Variants in CHRM2 observed in about 807,000 individuals in gnomAD.
The protein encoded by CHRM2 is cholinergic receptor muscarinic 2.
CHRM2 carries 8 observed loss-of-function variants against 25.0 expected under a neutral mutation model. The observed-to-expected ratio is 0.32, with a 90% CI of 0.19 to 0.58. The LOEUF (loss-of-function observed/expected upper bound fraction) is 0.58. Among genes scored for constraint, CHRM2 ranks in the 20% least tolerant of loss-of-function variants. CHRM2 has a pLI of 0.88. For missense variants in CHRM2, 440 were observed against 567.1 expected, an observed-to-expected ratio of 0.78 and a Z score of 2.28; for synonymous variants, 202 against 205.7, an observed-to-expected ratio of 0.98 and a Z score of 0.15.
chr7:136,933,679 A>C (rs1186690377), intron 2 of CHRM2, among the ~76,000 whole-genome samples: 1 of 152,334 alleles, frequency 6.6e-6, no homozygotes, highest in African/African-American at 2.4e-5. Flanking sequence ...GATTTTTATT[A>C]ACTGATGAAT....
intron 2 of CHRM2, among the ~76,000 whole-genome samples, chr7:136,963,965 G>A (rs324579): frequency 0.85 from 129,276 of 152,064 alleles, 55,867 homozygotes; most frequent in Middle Eastern, 0.97. Flanking sequence ...TCTCATTTGC[G>A]TACTGCACTG....
At position 137,015,397 on chromosome 7, in the gene CHRM2, A is replaced by G; in HGVS notation, c.532A>G (p.Ile178Val). 1 of 1,613,440 alleles carries G rather than the reference A, an allele frequency of 6.2e-7. No homozygotes were observed. The highest frequency in any genetic ancestry group is 8.5e-7 in the Non-Finnish European group (1 of 1,179,638). ...VRTVEDGECY[I>V]QFFSNAAVTF... is the part of the protein sequence containing the mutation. ...AACTGTGGAGGATGGGGAGTGCTAC[A>G]TTCAGTTTTTTTCCAATGCTGCTGT... Residue 178 changes from isoleucine (I) to valine (V), a missense_variant, in exon 4 of 4, where the codon ATT becomes GTT. Physicochemically the swap from Ile to Val is conservative, Grantham distance 29 (BLOSUM62 3). This residue lies in a region of CHRM2 where 261 missense variants were observed against 261.8 expected (regional missense o/e 1.00). Transcript: ENST00000680005. The surrounding 1 kb of genome is among the most constrained non-coding windows in gnomAD (Gnocchi z 5.1).
chr7:136,997,941 T>C lies in CHRM2; in HGVS notation c.-47+5677T>C, dbSNP rs370737077. Among the ~76,000 whole-genome samples the C allele has an allele frequency of 1.6e-4, 24 of 152,278 alleles. No individual in the cohort carries two copies. In the East Asian group the frequency reaches 2.3e-3, roughly 15 times the overall value. The stretch of plus-strand genomic sequence containing the variant: ...GGATGAAATCACTGCCACAGAGGTG[T>C]CAGTTAATTGAGGAATCAGACAGCT... On this transcript the variant is annotated intron_variant, in intron 3 of 3. Transcript: ENST00000680005.
At chr7:136,976,569 T>A (rs1197219773) in intron 2 of CHRM2, among the ~76,000 whole-genome samples, 1 of 152,064 alleles carries the variant, frequency 6.6e-6, no homozygotes, top group African/African-American at 2.4e-5. Flanking sequence ...ACAGCCTAGG[T>A]TCTTAAGTTC....
intron 2 of CHRM2, among the ~76,000 whole-genome samples, chr7:136,915,284 T>C (rs748932765): frequency 6.6e-6 from 1 of 151,930 alleles, no homozygotes; most frequent in Non-Finnish European, 1.5e-5. Flanking sequence ...TCTTACATTA[T>C]CAATCTTGGG....
chr7:136,880,857 C>T (rs1270582837), intron 2 of CHRM2, among the ~76,000 whole-genome samples: 2 of 151,732 alleles, frequency 1.3e-5, no homozygotes, highest in Non-Finnish European at 2.9e-5. Context: ...TCCCTGATGT[C>T]CTAAGGGATA....
chr7:136,985,408 G>A (rs1802779479), intron 2 of CHRM2, among the ~76,000 whole-genome samples: 1 of 150,850 alleles, frequency 6.6e-6, no homozygotes, highest in African/African-American at 2.4e-5. Flanking sequence ...TACTCAGGAG[G>A]CTGCGGTAGG....
intron 2 of CHRM2, among the ~76,000 whole-genome samples, chr7:136,962,049 G>A (rs1801118923): frequency 1.3e-5 from 2 of 152,144 alleles, no homozygotes; most frequent in Non-Finnish European, 2.9e-5. Context: ...AACGACTGGA[G>A]GGCCTCAGAC....
chr7:136,913,909 A>G (rs1230170426), intron 2 of CHRM2, among the ~76,000 whole-genome samples: 2 of 151,970 alleles, frequency 1.3e-5, no homozygotes, highest in African/African-American at 4.8e-5. Flanking sequence ...ATGCAGCACT[A>G]TATCTATTCG....
At chr7:136,949,302 A>G (rs1800249834) in intron 2 of CHRM2, among the ~76,000 whole-genome samples, 1 of 152,100 alleles carries the variant, frequency 6.6e-6, no homozygotes, top group Non-Finnish European at 1.5e-5. Flanking sequence ...TTCCATAATT[A>G]TTAATGTCAG....
intron 2 of CHRM2, among the ~76,000 whole-genome samples, chr7:136,987,228 T>A (rs1188921854): frequency 6.6e-6 from 1 of 152,212 alleles, no homozygotes; most frequent in African/African-American, 2.4e-5. Context: ...GCACAGGGAC[T>A]GTGTTGAAAC....
chr7:136,997,367 T>G (rs908020808), intron 3 of CHRM2, among the ~76,000 whole-genome samples: 1 of 152,186 alleles, frequency 6.6e-6, no homozygotes, highest in African/African-American at 2.4e-5. Flanking sequence ...TAGAAGAAAC[T>G]TATCTCTTGA....
At chr7:136,975,122 G>T (rs1802027398) in intron 2 of CHRM2, among the ~76,000 whole-genome samples, 1 of 152,146 alleles carries the variant, frequency 6.6e-6, no homozygotes, top group South Asian at 2.1e-4. Flanking sequence ...AAGCTCATAG[G>T]AGTGGACAAT....
intron 2 of CHRM2, among the ~76,000 whole-genome samples, chr7:136,970,508 T>C (rs1237152614): frequency 6.6e-6 from 1 of 152,138 alleles, no homozygotes; most frequent in East Asian, 1.9e-4. Flanking sequence ...GAAGTGGTGG[T>C]GGCTGTGTTA....
chr7:136,968,172 T>A lies in CHRM2; in HGVS notation c.-124-24015T>A, dbSNP rs778155101. ...ACATACTTATTTTTTCTGCAACAGA[T>A]CTACAAAACTATTCCTCCTAACTGG... On this transcript the variant is annotated intron_variant, in intron 2 of 3. Coordinates refer to ENST00000680005, the MANE Select transcript of CHRM2 (RefSeq NM_001006630.2). 2.1e-4 allele frequency among the ~76,000 whole-genome samples: 32 copies of A among 152,158 alleles called. No homozygotes were observed. The Middle Eastern group carries it at 0.01, about 49-fold the overall frequency.
At chr7:136,917,160 C>CTTT (rs11335309) in intron 2 of CHRM2, among the ~76,000 whole-genome samples, 1 of 145,148 alleles carries the variant, frequency 6.9e-6, no homozygotes, top group African/African-American at 2.5e-5. Context: ...AGCTTTCTCA[C>CTTT]TTTTTTTTTT....
At position 136,915,362 on chromosome 7, in the gene CHRM2, C is replaced by T. The variant is rs920897475; in HGVS notation, c.-125+45944C>T. Among the ~76,000 whole-genome samples the T allele has an allele frequency of 2.6e-5, 4 of 151,894 alleles. No homozygotes were observed. The East Asian group carries it at 5.8e-4, about 22-fold the overall frequency. ...AGATTGTTACTGCATAATTTACTCA[C>T]TGAGAAAAGTCTATTTAATTTCCAA... On this transcript the variant is annotated intron_variant, in intron 2 of 3. Coordinates refer to ENST00000680005, the MANE Select transcript of CHRM2 (RefSeq NM_001006630.2).
At chr7:136,927,413 T>G (rs531992975) in intron 2 of CHRM2, among the ~76,000 whole-genome samples, 1 of 152,066 alleles carries the variant, frequency 6.6e-6, no homozygotes, top group African/African-American at 2.4e-5. Flanking sequence ...GGTGTGGGTG[T>G]GTGTGTGTAT....
chr7:137,008,179 A>G (rs1804574364), intron 3 of CHRM2, among the ~76,000 whole-genome samples: 1 of 152,120 alleles, frequency 6.6e-6, no homozygotes, highest in Admixed American at 6.6e-5. Flanking sequence ...TTTCTCATCA[A>G]TGATAACCAC....
Sources: allele counts gnomAD v4.1 joint callset (sites outside exome capture counted in the v4.1 genomes callset), GRCh38; gene constraint gnomAD v4.1.1; regional missense constraint gnomAD v4.1.1; non-coding constraint Gnocchi (gnomAD v3.1); transcripts MANE v1.5; gene names NCBI Gene and HGNC (gene_info 2026-07-23, HGNC 2026-07-21).